The following RNGTT variants were observed in gnomAD, a reference collection of about 807,000 sequenced individuals.
RNGTT encodes RNA guanylyltransferase and 5'-phosphatase, also known as mRNA-capping enzyme.
RNGTT carries 33 observed loss-of-function variants against 79.3 expected under a neutral mutation model. The ratio of observed to expected loss-of-function variants is 0.42; its 90% CI spans 0.32 to 0.56. RNGTT has a LOEUF of 0.56. Ranked by LOEUF, RNGTT falls within the 20% of genes least tolerant of loss-of-function variation. RNGTT has a pLI of 0.17. For missense variants in RNGTT, 497 were observed against 739.1 expected, an observed-to-expected ratio of 0.67 and a Z score of 3.80; for synonymous variants, 222 against 235.9, an observed-to-expected ratio of 0.94 and a Z score of 0.54.
At chr6:88,950,314 AT>A (rs1343585442) in intron 1 of RNGTT, among the ~76,000 whole-genome samples, 6 of 152,346 alleles carry the variant, frequency 3.9e-5, no homozygotes, top group East Asian at 3.9e-4. Flanking sequence ...ATAGCAGCCC[AT>A]GGATCAAGGG....
chr6:88,750,015 CTG>C (rs947786944), intron 13 of RNGTT, among the ~76,000 whole-genome samples: 3 of 152,158 alleles, frequency 2.0e-5, no homozygotes, highest in Non-Finnish European at 4.4e-5. Flanking sequence ...TATAATCTCT[CTG>C]TGTCTTCCTT....
chr6:88,799,771 T>C (rs1324436498), intron 12 of RNGTT, among the ~76,000 whole-genome samples: 1 of 150,654 alleles, frequency 6.6e-6, no homozygotes, highest in Non-Finnish European at 1.5e-5. Flanking sequence ...CTGCCTATAC[T>C]AGACATCCAA....
At chr6:88,867,384 G>A (rs564373681) in intron 8 of RNGTT, among the ~76,000 whole-genome samples, 3 of 152,136 alleles carry the variant, frequency 2.0e-5, no homozygotes, top group East Asian at 3.9e-4. Context: ...TCAAGAGGCC[G>A]AGGCACAAGA....
intron 13 of RNGTT, among the ~76,000 whole-genome samples, chr6:88,716,162 G>T (rs1297317312): frequency 6.6e-6 from 1 of 152,080 alleles, no homozygotes; most frequent in Non-Finnish European, 1.5e-5. Context: ...CAAAGGATAT[G>T]AACAGACATT....
intron 9 of RNGTT, among the ~76,000 whole-genome samples, chr6:88,850,287 C>A (rs530804929): frequency 6.6e-6 from 1 of 151,856 alleles, no homozygotes; most frequent in Non-Finnish European, 1.5e-5. Context: ...CCATGTGAGC[C>A]ATGTGGCCTT....
At chr6:88,746,401 A>T (rs924603381) in intron 13 of RNGTT, among the ~76,000 whole-genome samples, 1 of 152,180 alleles carries the variant, frequency 6.6e-6, no homozygotes, top group Non-Finnish European at 1.5e-5. Context: ...GCTTTAAATT[A>T]TGTACCAAAT....
In RNGTT at chr6:88,611,386, A is replaced by C. The variant is rs2127843867; in HGVS notation, c.*1333T>G. The C allele has an allele frequency of 2.0e-5, 3 of 152,652 alleles. 1 individual carries two copies. In the South Asian group the frequency reaches 6.2e-4, roughly 32 times the overall value. The allele number at this position is 152,652 out of a possible 1,614,324, so 9.5% of individuals were successfully genotyped here. On this transcript the variant is annotated 3_prime_UTR_variant, in exon 16 of 16. Transcript: ENST00000369485. ...AGATATGCATTTACATATACAATTC[A>C]GACCATGAAAATTTGTTTTAAATAC...
At chr6:88,701,508 G>A (rs530927603) in intron 13 of RNGTT, among the ~76,000 whole-genome samples, 1 of 150,522 alleles carries the variant, frequency 6.6e-6, no homozygotes, top group Non-Finnish European at 1.5e-5. Context: ...AATTAGTACT[G>A]ATAATTACAA....
chr6:88,761,018 T>TAC (rs59719740), intron 13 of RNGTT, among the ~76,000 whole-genome samples: 25,692 of 130,896 alleles, frequency 0.2, 2,494 homozygotes, highest in Non-Finnish European at 0.23. Context: ...GCAAAAGAAA[T>TAC]ACACACACAC....
At chr6:88,904,573 AAT>A in intron 6 of RNGTT, 140 bp downstream of exon 6, 37 of 1,034,152 alleles carry the variant, frequency 3.6e-5, no homozygotes, top group East Asian at 8.4e-5. Context: ...AAAAAAAAAA[AAT>A]TTTTTTTTTA....
At chr6:88,761,262 C>G (rs9362555) in intron 13 of RNGTT, among the ~76,000 whole-genome samples, 32,597 of 151,654 alleles carry the variant, frequency 0.21, 4,575 homozygotes, top group African/African-American at 0.4. Context: ...GGCCGAGGCA[C>G]GTGGATCACT....
chr6:88,878,994 G>C (rs770762624), intron 8 of RNGTT, among the ~76,000 whole-genome samples: 4 of 151,948 alleles, frequency 2.6e-5, no homozygotes, highest in Non-Finnish European at 5.9e-5. Flanking sequence ...CTGAACATTC[G>C]GCTCCAGTCA....
intron 11 of RNGTT, among the ~76,000 whole-genome samples, chr6:88,836,021 C>G (rs12210811): frequency 1.3e-4 from 15 of 118,052 alleles, no homozygotes; most frequent in African/African-American, 5.0e-4. Context: ...CACACACACA[C>G]ACATATATAT....
intron 11 of RNGTT, among the ~76,000 whole-genome samples, chr6:88,814,941 C>T (rs1180067998): frequency 6.6e-6 from 1 of 152,168 alleles, no homozygotes; most frequent in Non-Finnish European, 1.5e-5. Context: ...GAGGAATTCA[C>T]TTTACCAAAG....
chr6:88,680,687 A>T (rs1775060579), intron 13 of RNGTT, among the ~76,000 whole-genome samples: 1 of 151,370 alleles, frequency 6.6e-6, no homozygotes, highest in Non-Finnish European at 1.5e-5. Context: ...GGTTGCAGTG[A>T]GCCGAGATCA....
chr6:88,819,161 G>A (rs184549390), intron 11 of RNGTT, among the ~76,000 whole-genome samples: 336 of 152,152 alleles, frequency 2.2e-3, no homozygotes, highest in Non-Finnish European at 3.0e-3. Context: ...ATAACATTAA[G>A]TATTCCCCAA....
intron 14 of RNGTT, among the ~76,000 whole-genome samples, chr6:88,674,450 G>C (rs1355244501): frequency 1.3e-5 from 2 of 151,998 alleles, no homozygotes; most frequent in African/African-American, 4.8e-5. Context: ...CAGGTGAGAG[G>C]ATCACCTGAG....
chr6:88,856,313 C>A (rs532391137), intron 8 of RNGTT, among the ~76,000 whole-genome samples: 16 of 152,118 alleles, frequency 1.1e-4, no homozygotes, highest in Admixed American at 1.0e-3. Context: ...ATAATGATAA[C>A]TGAAATTATA....
intron 13 of RNGTT, among the ~76,000 whole-genome samples, chr6:88,754,971 G>A (rs1025989723): frequency 5.3e-5 from 8 of 152,110 alleles, no homozygotes; most frequent in African/African-American, 1.4e-4. Flanking sequence ...AAAGTTATGA[G>A]ACCCCTGATT....
Sources: gnomAD v4.1 joint callset for allele counts (sites outside exome capture counted in the v4.1 genomes callset) on GRCh38, gnomAD v4.1.1 for gene constraint, MANE v1.5 for transcripts, NCBI Gene and HGNC (gene_info 2026-07-23, HGNC 2026-07-21) for gene names.